The following SLC16A7 variants were observed in gnomAD, a reference collection of about 807,000 sequenced individuals.
SLC16A7 encodes solute carrier family 16 member 7.
A neutral mutation model predicts 34.9 loss-of-function variants in SLC16A7; 33 were observed. The ratio of observed to expected loss-of-function variants is 0.94; its 90% CI spans 0.72 to 1.26. The LOEUF is 1.26. Among genes scored for constraint, SLC16A7 ranks in the 50% most tolerant of loss-of-function variants. The pLI is 0.00. For missense variants in SLC16A7, 573 were observed against 578.1 expected, an observed-to-expected ratio of 0.99 and a Z score of 0.09; for synonymous variants, 201 against 206.6, an observed-to-expected ratio of 0.97 and a Z score of 0.23.
chr12:59,760,097 A>G (rs1303087574), intron 3 of SLC16A7, among the ~76,000 whole-genome samples: 1 of 152,102 alleles, frequency 6.6e-6, no homozygotes, highest in Non-Finnish European at 1.5e-5. Flanking sequence ...CGTTATTACA[A>G]GAACAAAACA....
At chr12:59,644,126 G>T (rs181572696) in intron 1 of SLC16A7, among the ~76,000 whole-genome samples, 2 of 152,066 alleles carry the variant, frequency 1.3e-5, no homozygotes, top group African/African-American at 4.8e-5. Context: ...TATAACAGGA[G>T]AATTTATTTC....
intron 3 of SLC16A7, among the ~76,000 whole-genome samples, chr12:59,763,401 A>G (rs1408377348): frequency 2.0e-5 from 3 of 152,140 alleles, no homozygotes; most frequent in Non-Finnish European, 2.9e-5. Flanking sequence ...ATTATTTGTA[A>G]TGATCTGTGG....
intron 3 of SLC16A7, among the ~76,000 whole-genome samples, chr12:59,744,027 T>G (rs1387666574): frequency 6.6e-6 from 1 of 152,226 alleles, no homozygotes; most frequent in Non-Finnish European, 1.5e-5. Flanking sequence ...GGATGTTTTC[T>G]ATATGAGAAA....
chr12:59,723,131 C>T (rs1592577152), intron 3 of SLC16A7, among the ~76,000 whole-genome samples: 1 of 151,790 alleles, frequency 6.6e-6, no homozygotes, highest in African/African-American at 2.4e-5. Context: ...TATTCCTAGA[C>T]ATACCCTGGC....
intron 1 of SLC16A7, among the ~76,000 whole-genome samples, chr12:59,620,987 A>G (rs1879674274): frequency 6.6e-6 from 1 of 151,820 alleles, no homozygotes. Context: ...TCTTTTTTTG[A>G]GGCAGAATAT....
At chr12:59,689,748 A>G (rs551863023) in intron 2 of SLC16A7, among the ~76,000 whole-genome samples, 17 of 152,046 alleles carry the variant, frequency 1.1e-4, no homozygotes, top group Non-Finnish European at 2.1e-4. Context: ...AATTGAGAAA[A>G]GAACCAAAAC....
chr12:59,706,309 C>T (rs1873560032), intron 3 of SLC16A7, among the ~76,000 whole-genome samples: 1 of 151,922 alleles, frequency 6.6e-6, no homozygotes, highest in African/African-American at 2.4e-5. Flanking sequence ...TTCTTTAGGA[C>T]ATTATCTTTT....
intron 2 of SLC16A7, among the ~76,000 whole-genome samples, chr12:59,695,384 C>T (rs960520608): frequency 5.9e-5 from 9 of 151,996 alleles, no homozygotes; most frequent in Non-Finnish European, 1.3e-4. Flanking sequence ...GGTCCGAAGC[C>T]TCCTGGTAGG....
intron 1 of SLC16A7, among the ~76,000 whole-genome samples, chr12:59,620,348 C>T (rs923812813): frequency 2.6e-5 from 4 of 151,848 alleles, no homozygotes; most frequent in African/African-American, 9.6e-5. Flanking sequence ...TATAAAAACC[C>T]TTTCCTCTGA....
Position 59,744,797 on chromosome 12 carries a change from T to C in SLC16A7, c.218-26422T>C, listed in dbSNP as rs1226813214. On this transcript the variant is annotated intron_variant, in intron 3 of 5. Coordinates refer to ENST00000547379, the MANE Select transcript of SLC16A7 (RefSeq NM_001270623.2). ...CTGCTGCAGGGCCCTGGATGGAGATTGGTCTGGCCAGCACCCAAAAGCGCT... is the reference window on the plus strand; with the variant it reads ...CTGCTGCAGGGCCCTGGATGGAGATCGGTCTGGCCAGCACCCAAAAGCGCT... Among the ~76,000 whole-genome samples, 7 of 152,160 alleles carry C rather than the reference T, an allele frequency of 4.6e-5. No homozygotes were observed. In the South Asian group the frequency reaches 1.0e-3, roughly 23 times the overall value.
In SLC16A7 at chr12:59,670,017, T is replaced by G. The variant is rs115588429; in HGVS notation, c.-31+14767T>G. Among the ~76,000 whole-genome samples, 1,019 of 152,276 alleles carry G rather than the reference T, an allele frequency of 6.7e-3. 15 individuals are homozygous for G. Among genetic ancestry groups the G allele is most frequent in the African/African-American group, 0.021 (858 of 41,528 alleles). ...CTGGGTAATTGAAAACAACAGAAATTTATTCTCTCTCCTTTGGAAACAAAA... is the reference window on the plus strand; with the variant it reads ...CTGGGTAATTGAAAACAACAGAAATGTATTCTCTCTCCTTTGGAAACAAAA... On this transcript the variant is annotated intron_variant, in intron 2 of 5. Coordinates refer to ENST00000547379, the MANE Select transcript of SLC16A7 (RefSeq NM_001270623.2).
intron 3 of SLC16A7, among the ~76,000 whole-genome samples, chr12:59,752,795 C>T (rs1035490721): frequency 1.3e-5 from 2 of 152,116 alleles, no homozygotes; most frequent in African/African-American, 2.4e-5. Context: ...CTCCAAGACA[C>T]ATAATTGTCA....
At chr12:59,649,696 A>G (rs1156853904) in intron 1 of SLC16A7, among the ~76,000 whole-genome samples, 2 of 152,156 alleles carry the variant, frequency 1.3e-5, no homozygotes, top group African/African-American at 4.8e-5. Flanking sequence ...CACCTGTAAT[A>G]CCAGCACTTG....
intron 4 of SLC16A7, among the ~76,000 whole-genome samples, chr12:59,774,009 C>T (rs1201267368): frequency 6.6e-6 from 1 of 152,184 alleles, no homozygotes; most frequent in African/African-American, 2.4e-5. Context: ...CTCATATAAA[C>T]AATCAGTGTT....
intron 3 of SLC16A7, among the ~76,000 whole-genome samples, chr12:59,764,426 C>G (rs1039985500): frequency 6.6e-6 from 1 of 151,802 alleles, no homozygotes; most frequent in Non-Finnish European, 1.5e-5. Flanking sequence ...TGGTGTGCTG[C>G]GCCCATTAAC....
At chr12:59,618,513 C>G (rs1005581552) in intron 1 of SLC16A7, among the ~76,000 whole-genome samples, 3 of 151,982 alleles carry the variant, frequency 2.0e-5, no homozygotes, top group Non-Finnish European at 2.9e-5. Context: ...GTTTGCCAAT[C>G]TGCTGAAATA....
chr12:59,677,052 CGT>C (rs1178859634), intron 2 of SLC16A7, among the ~76,000 whole-genome samples: 1 of 151,924 alleles, frequency 6.6e-6, no homozygotes, highest in East Asian at 1.9e-4. Flanking sequence ...GCCCATTGCT[CGT>C]GTGTGTGTAT....
At chr12:59,598,738 A>G (rs1045004431) in intron 1 of SLC16A7, among the ~76,000 whole-genome samples, 1 of 152,200 alleles carries the variant, frequency 6.6e-6, no homozygotes, top group Non-Finnish European at 1.5e-5. Context: ...ATCTTTGTCA[A>G]TGAATTGATT....
chr12:59,623,046 CTGTGTGTGTGTG>C lies in SLC16A7; in HGVS notation c.-130+26846_-130+26857del, dbSNP rs57399813. ...ATAAATAGCATTTCCCTACTGAATG[CTGTGTGTGTGTG>C]TGTGTGTGTGTGTGTGTGTGTGTGT... On this transcript the variant is annotated intron_variant, in intron 1 of 5. Transcript: ENST00000547379. Among the ~76,000 whole-genome samples, 1,238 of 134,978 alleles carry C rather than the reference CTGTGTGTGTGTG, an allele frequency of 9.2e-3. 9 individuals are homozygous for C. The highest frequency in any genetic ancestry group is 0.025 in the Middle Eastern group (7 of 280). The allele number at this position is 134,978 out of a possible 152,430, so 88.6% of individuals were successfully genotyped here.
Sources: gnomAD v4.1 joint callset for allele counts (sites outside exome capture counted in the v4.1 genomes callset) on GRCh38, gnomAD v4.1.1 for gene constraint, MANE v1.5 for transcripts, NCBI Gene and HGNC (gene_info 2026-07-23, HGNC 2026-07-21) for gene names.